Variants in WSCD2 observed in about 807,000 individuals in gnomAD.
WSCD2 encodes WSC domain sialate O sulfotransferase 2, also known as sialate:O-sulfotransferase 2.
Under a neutral mutation model 55.7 loss-of-function variants are expected in WSCD2, and 28 were observed. The observed-to-expected ratio is 0.50, with a 90% CI of 0.37 to 0.69. WSCD2 has a LOEUF of 0.69. Among genes scored for constraint, WSCD2 ranks in the 30% least tolerant of loss-of-function variants. WSCD2 has a pLI of 0.00. For synonymous variants in WSCD2, 301 were observed against 301.9 expected, an observed-to-expected ratio of 1.00 and a Z score of 0.03; for missense variants, 616 against 762.1, an observed-to-expected ratio of 0.81 and a Z score of 2.26.
At chr12:108,209,962 G>A (rs1885913644) in intron 3 of WSCD2, among the ~76,000 whole-genome samples, 159 bp from the exon 4 acceptor site, 1 of 151,940 alleles carries the variant, frequency 6.6e-6, no homozygotes, top group South Asian at 2.1e-4. Context: ...GTCCCCTGGG[G>A]TCTCCCAGTT....
intron 8 of WSCD2, among the ~76,000 whole-genome samples, chr12:108,247,352 C>T (rs1890162390): frequency 6.6e-6 from 1 of 150,520 alleles, no homozygotes; most frequent in South Asian, 2.1e-4. Flanking sequence ...TAATATATAA[C>T]ATAATAATAT....
chr12:108,162,236 T>C (rs1592910352), intron 1 of WSCD2, among the ~76,000 whole-genome samples: 2 of 152,314 alleles, frequency 1.3e-5, no homozygotes, highest in East Asian at 3.9e-4. Context: ...TCTCATTTCC[T>C]CCTTTGGGCT....
intron 1 of WSCD2, chr12:108,189,552 T>C (rs566935498): frequency 4.6e-5 from 7 of 152,294 alleles, no homozygotes; most frequent in Non-Finnish European, 1.0e-4. Flanking sequence ...GGGGCACATA[T>C]GGCATCTGTT....
intron 7 of WSCD2, among the ~76,000 whole-genome samples, chr12:108,235,004 C>T (rs538456347): frequency 7.9e-5 from 12 of 152,174 alleles, no homozygotes; most frequent in African/African-American, 2.6e-4. Context: ...ACCAAGTATT[C>T]GCCATCTGAT....
chr12:108,173,546 A>G (rs4964644), intron 1 of WSCD2, among the ~76,000 whole-genome samples: 101,672 of 149,302 alleles, frequency 0.68, 35,894 homozygotes, highest in East Asian at 0.91. Flanking sequence ...GCTTCTCAGG[A>G]GTTCCCACAA....
At chr12:108,211,147 C>T (rs1481773967) in intron 4 of WSCD2, among the ~76,000 whole-genome samples, 1 of 152,204 alleles carries the variant, frequency 6.6e-6, no homozygotes, top group African/African-American at 2.4e-5. Flanking sequence ...TTCATTATCC[C>T]CAACCAGTCC....
At chr12:108,153,554 G>A (rs1341762306) in intron 1 of WSCD2, among the ~76,000 whole-genome samples, 2 of 152,210 alleles carry the variant, frequency 1.3e-5, no homozygotes, top group African/African-American at 2.4e-5. Flanking sequence ...AAGGGATGGT[G>A]CAGCACCCCA....
chr12:108,224,545 T>A (rs977038593), intron 4 of WSCD2, among the ~76,000 whole-genome samples, 194 bp from the exon 5 acceptor site: 9 of 152,242 alleles, frequency 5.9e-5, no homozygotes, highest in Admixed American at 3.3e-4. Context: ...TTCTTTGATG[T>A]ATCGAGCTCA....
intron 8 of WSCD2, among the ~76,000 whole-genome samples, chr12:108,245,993 G>A (rs1890054735): frequency 6.6e-6 from 1 of 152,226 alleles, no homozygotes; most frequent in East Asian, 1.9e-4. Context: ...CTGCAATTTG[G>A]CAGTTGCAAA....
At chr12:108,140,045 C>A (rs1876620956) in intron 1 of WSCD2, among the ~76,000 whole-genome samples, 1 of 152,130 alleles carries the variant, frequency 6.6e-6, no homozygotes, top group Non-Finnish European at 1.5e-5. Context: ...GATGACGTGA[C>A]CTTATGCATG....
chr12:108,192,743 C>A (rs1169220041), intron 1 of WSCD2, among the ~76,000 whole-genome samples: 1 of 152,128 alleles, frequency 6.6e-6, no homozygotes, highest in East Asian at 1.9e-4. Context: ...CTCCTTCACC[C>A]AGAGAATTTT....
intron 4 of WSCD2, among the ~76,000 whole-genome samples, chr12:108,220,498 A>G (rs906307727): frequency 2.2e-4 from 34 of 152,176 alleles, no homozygotes; most frequent in Admixed American, 6.5e-5. Context: ...CATACCACAC[A>G]ACCAGTACAT....
At chr12:108,223,349 G>T (rs536869221) in intron 4 of WSCD2, among the ~76,000 whole-genome samples, 1 of 152,212 alleles carries the variant, frequency 6.6e-6, no homozygotes, top group African/African-American at 2.4e-5. Flanking sequence ...TTACAAAATT[G>T]ATATTTTATA....
At chr12:108,247,095 A>G (rs1384538138) in intron 8 of WSCD2, among the ~76,000 whole-genome samples, 2 of 152,154 alleles carry the variant, frequency 1.3e-5, no homozygotes, top group African/African-American at 2.4e-5. Flanking sequence ...AAAACTTAGT[A>G]CTTAAAAGCC....
intron 1 of WSCD2, among the ~76,000 whole-genome samples, chr12:108,183,678 C>G (rs1415001909): frequency 1.3e-5 from 2 of 152,178 alleles, no homozygotes; most frequent in African/African-American, 2.4e-5. Flanking sequence ...CTGTCTTGTA[C>G]AGAAAGCCTC....
rs371884561 is a variant in WSCD2, at chr12:108,195,637, A to G, written c.-196A>G. On this transcript the variant is annotated 5_prime_UTR_variant, in exon 2 of 9. Coordinates refer to ENST00000547525, the MANE Select transcript of WSCD2 (RefSeq NM_014653.4). ...CAGTTTGGGAGGGCTGGTAAGCTCC[A>G]TCCTTTCTCATGGCCTCAGCCAAGC... 5.7e-5 allele frequency: 43 copies of G among 749,742 alleles called. No individual in the cohort carries two copies. The East Asian group carries it at 1.1e-3, about 19-fold the overall frequency. 46.4% of individuals were successfully genotyped at this position (749,742 alleles called of 1,614,324 possible). A position where few individuals can be genotyped will look rare whatever the true frequency, so the allele number is the denominator to read the frequency against.
chr12:108,170,151 T>C (rs1880085179), intron 1 of WSCD2, among the ~76,000 whole-genome samples: 2 of 143,758 alleles, frequency 1.4e-5, no homozygotes, highest in South Asian at 5.1e-4. Flanking sequence ...TGTGAGCTTG[T>C]ATGTGTGTCT....
At chr12:108,162,403 AC>A (rs1393018789) in intron 1 of WSCD2, among the ~76,000 whole-genome samples, 1 of 152,048 alleles carries the variant, frequency 6.6e-6, no homozygotes, top group Non-Finnish European at 1.5e-5. Flanking sequence ...CAGCCCCCCA[AC>A]CCATTTCACA....
At chr12:108,227,205 C>T (rs772370364) in intron 6 of WSCD2, 41 bp downstream of exon 6, 5 of 1,584,484 alleles carry the variant, frequency 3.2e-6, no homozygotes, top group Non-Finnish European at 4.3e-6. Context: ...GATGCACTCC[C>T]AGTGGCTTCC....
Sources: gnomAD v4.1 joint callset for allele counts (sites outside exome capture counted in the v4.1 genomes callset) on GRCh38, gnomAD v4.1.1 for gene constraint, MANE v1.5 for transcripts, NCBI Gene and HGNC (gene_info 2026-07-23, HGNC 2026-07-21) for gene names.